Variants in PRKN observed in about 807,000 individuals in gnomAD.
The protein encoded by PRKN is parkin RBR E3 ubiquitin protein ligase, also known as E3 ubiquitin-protein ligase parkin.
A neutral mutation model predicts 59.5 loss-of-function variants in PRKN; 56 were observed. The ratio of observed to expected loss-of-function variants is 0.94; its 90% CI spans 0.76 to 1.18. The LOEUF (loss-of-function observed/expected upper bound fraction) is 1.18, where lower values mean the gene tolerates loss of function less well. Among genes scored for constraint, PRKN ranks in the 50% most tolerant of loss-of-function variants. The pLI is 0.00. For missense variants in PRKN, 657 were observed against 596.4 expected (o/e 1.10, Z -1.06); for synonymous variants, 250 against 222.1 (o/e 1.13, Z -1.12).
At chr6:162,238,136 A>G (rs1303842267) in intron 3 of PRKN, among the ~76,000 whole-genome samples, 1 of 152,230 alleles carries the variant, frequency 6.6e-6, no homozygotes, top group African/African-American at 2.4e-5. Flanking sequence ...AATCTATAAC[A>G]TACAGTCATG....
intron 1 of PRKN, among the ~76,000 whole-genome samples, chr6:162,570,603 C>T (rs1019211367): frequency 3.9e-5 from 6 of 152,122 alleles, no homozygotes; most frequent in Non-Finnish European, 2.9e-5. Flanking sequence ...ATAAGGAAAA[C>T]GTGGTACACA....
intron 3 of PRKN, among the ~76,000 whole-genome samples, chr6:162,225,927 T>A (rs919267876): frequency 6.8e-6 from 1 of 148,010 alleles, no homozygotes; most frequent in Non-Finnish European, 1.5e-5. Flanking sequence ...ATATTTATAC[T>A]TCTATTATTT....
At position 161,379,242 on chromosome 6, in the gene PRKN, C is replaced by G. The variant is rs1385508653; in HGVS notation, c.1167+7552G>C. On this transcript the variant is annotated intron_variant, in intron 10 of 11. Transcript: ENST00000366898. The surrounding 1 kb of genome is among the most constrained non-coding windows in gnomAD (Gnocchi z 4.9). ...TAGAATGGCACCCAGGAGCCTGGAC[C>G]CATCAGGGATGATGTCTGTGTCACC... Among the ~76,000 whole-genome samples the G allele has an allele frequency of 6.6e-6, 1 of 152,060 alleles. No homozygotes were observed. The highest frequency in any genetic ancestry group is 1.5e-5 in the Non-Finnish European group (1 of 68,004).
At chr6:162,546,106 T>A (rs2128201704) in intron 1 of PRKN, among the ~76,000 whole-genome samples, 1 of 148,042 alleles carries the variant, frequency 6.8e-6, no homozygotes, top group Non-Finnish European at 1.5e-5. Context: ...TGCAGTTTTT[T>A]TTTTTTTTTT....
At chr6:161,368,412 G>C in intron 10 of PRKN, among the ~76,000 whole-genome samples, 1 of 74,640 alleles carries the variant, frequency 1.3e-5, no homozygotes, top group African/African-American at 5.4e-5. Context: ...TATATATGCT[G>C]GGCCTGGTGG....
intron 3 of PRKN, among the ~76,000 whole-genome samples, chr6:162,247,738 G>C (rs1429739059): frequency 1.3e-5 from 2 of 152,096 alleles, no homozygotes; most frequent in African/African-American, 4.8e-5. Context: ...GCTTTGTGTT[G>C]ATTCTAGCAT....
At chr6:161,761,344 G>T (rs1320746902) in intron 7 of PRKN, among the ~76,000 whole-genome samples, 1 of 150,542 alleles carries the variant, frequency 6.6e-6, no homozygotes, top group East Asian at 2.0e-4. Context: ...GATGATGGAT[G>T]AATGGATGGA....
chr6:162,567,582 A>G (rs1029664611), intron 1 of PRKN, among the ~76,000 whole-genome samples: 3 of 150,680 alleles, frequency 2.0e-5, no homozygotes, highest in African/African-American at 7.4e-5. Context: ...AGATCTCTAT[A>G]ATGAAAACTA....
intron 7 of PRKN, among the ~76,000 whole-genome samples, chr6:161,673,469 G>T (rs752286212): frequency 6.6e-6 from 1 of 152,200 alleles, no homozygotes; most frequent in South Asian, 2.1e-4. Context: ...GGCTTGAAAG[G>T]ATGGCAGTGA....
intron 3 of PRKN, among the ~76,000 whole-genome samples, chr6:162,255,162 G>A (rs1583274358): frequency 2.6e-5 from 4 of 151,968 alleles, no homozygotes; most frequent in South Asian, 2.1e-4. Flanking sequence ...GTAACCTGAC[G>A]TCTCCCAAGT....
At chr6:161,833,673 A>T (rs1464312058) in intron 6 of PRKN, among the ~76,000 whole-genome samples, 1 of 152,114 alleles carries the variant, frequency 6.6e-6, no homozygotes, top group South Asian at 2.1e-4. Context: ...GAGTTTGGTT[A>T]TGCAACCATT....
chr6:162,219,403 TTA>T (rs1252686936), intron 3 of PRKN, among the ~76,000 whole-genome samples: 1 of 152,200 alleles, frequency 6.6e-6, no homozygotes, highest in Admixed American at 6.5e-5. Context: ...CTACTGTTCA[TTA>T]TTGGCTTTAT....
Position 162,194,601 on chromosome 6 carries a change from C to T in PRKN, c.534+6530G>A, listed in dbSNP as rs368481636. Among the ~76,000 whole-genome samples, 9 of 152,148 alleles carry T rather than the reference C, an allele frequency of 5.9e-5. 1 individual carries two copies. The highest frequency in any genetic ancestry group is 2.2e-4 in the African/African-American group (9 of 41,532). On this transcript the variant is annotated intron_variant, in intron 4 of 11. Transcript: ENST00000366898. ...GACCCCTTTACATATATATTGTATACAGTATGCAAATTCTAAATGTAAACT... is the reference window on the plus strand; with the variant it reads ...GACCCCTTTACATATATATTGTATATAGTATGCAAATTCTAAATGTAAACT...
intron 1 of PRKN, among the ~76,000 whole-genome samples, chr6:162,454,176 TA>T (rs944501909): frequency 1.3e-5 from 2 of 152,234 alleles, no homozygotes; most frequent in African/African-American, 4.8e-5. Context: ...TATTGACTCT[TA>T]ACTTCAGGTC....
At chr6:161,680,849 C>T (rs916088279) in intron 7 of PRKN, among the ~76,000 whole-genome samples, 1 of 142,914 alleles carries the variant, frequency 7.0e-6, no homozygotes, top group African/African-American at 2.6e-5. Flanking sequence ...ATGTATAAAA[C>T]TAAATCAAAG....
rs540766148 is a variant in PRKN, at chr6:161,468,849, A to G, written c.1083+80005T>C. Reference sequence around the variant, plus strand: ...AGGCCCTCATGCTCACTGTCAGCCTATACACCTGTCAGTCCTTCCCATAAG... The same window carrying G: ...AGGCCCTCATGCTCACTGTCAGCCTGTACACCTGTCAGTCCTTCCCATAAG... On this transcript the variant is annotated intron_variant, in intron 9 of 11. Coordinates refer to ENST00000366898, the MANE Select transcript of PRKN (RefSeq NM_004562.3). The surrounding 1 kb of genome is among the most constrained non-coding windows in gnomAD (Gnocchi z 5.9). 4.6e-5 allele frequency among the ~76,000 whole-genome samples: 7 copies of G among 152,296 alleles called. No homozygotes were observed. Among genetic ancestry groups the G allele is most frequent in the African/African-American group, 1.7e-4 (7 of 41,550 alleles).
At chr6:161,675,521 C>A (rs1398797853) in intron 7 of PRKN, among the ~76,000 whole-genome samples, 1 of 152,216 alleles carries the variant, frequency 6.6e-6, no homozygotes, top group Non-Finnish European at 1.5e-5. Context: ...GCAAAGACAA[C>A]TGTGATGCTG....
Position 161,497,577 on chromosome 6 carries a change from T to TCTCTCTCTCACA in PRKN, c.1083+51276_1083+51277insTGTGAGAGAGAG, listed in dbSNP as rs369404858. 8.1e-5 allele frequency among the ~76,000 whole-genome samples: 12 copies of TCTCTCTCTCACA among 147,388 alleles called. No individual in the cohort carries two copies. The highest frequency in any genetic ancestry group is 2.8e-4 in the African/African-American group (11 of 39,682). ...ATGTCTCTCTCTCTCTCTCTCTCTCTCACACACACACACACACACACCATA... is the reference window on the plus strand; with the variant it reads ...ATGTCTCTCTCTCTCTCTCTCTCTCTCTCTCTCTCACACACACACACACACACACACACCATA... On this transcript the variant is annotated intron_variant, in intron 9 of 11. Transcript: ENST00000366898. The surrounding 1 kb of genome is among the most constrained non-coding windows in gnomAD (Gnocchi z 4.6).
rs117828038 is a variant in PRKN at position 162,634,215 on chromosome 6, T to C, written c.7+93447A>G. 9.1e-3 allele frequency among the ~76,000 whole-genome samples: 1,382 copies of C among 152,258 alleles called. 10 individuals are homozygous for C. Among genetic ancestry groups the C allele is most frequent in the Non-Finnish European group, 0.014 (973 of 68,022 alleles). On this transcript the variant is annotated intron_variant, in intron 1 of 11. Coordinates refer to ENST00000366898, the MANE Select transcript of PRKN (RefSeq NM_004562.3). ...ATCTACCCTCACAGGCCTCCCTGTCTAACCCAGGGGCCAGCAAACATTGTC... is the reference window on the plus strand; with the variant it reads ...ATCTACCCTCACAGGCCTCCCTGTCCAACCCAGGGGCCAGCAAACATTGTC...
Sources: allele counts gnomAD v4.1 joint callset (sites outside exome capture counted in the v4.1 genomes callset), GRCh38; gene constraint gnomAD v4.1.1; non-coding constraint Gnocchi (gnomAD v3.1); transcripts MANE v1.5; gene names NCBI Gene and HGNC (gene_info 2026-07-23, HGNC 2026-07-21).